ZNF761: variants seen among roughly 807,000 people sequenced by gnomAD.
ZNF761 encodes the protein zinc finger protein 761.
Under a neutral mutation model 59.9 loss-of-function variants are expected in ZNF761, and 43 were observed. The ratio of observed to expected loss-of-function variants is 0.72; its 90% CI spans 0.56 to 0.92. ZNF761 has a LOEUF of 0.92. ZNF761 is among the 40% of genes least tolerant of loss of function. The pLI is 0.00. For missense variants in ZNF761, 850 were observed against 906.1 expected (o/e 0.94, Z 0.79); for synonymous variants, 294 against 304.8 (o/e 0.96, Z 0.37).
At chr19:53,440,847 G>A (rs530433174) in intron 1 of ZNF761, among the ~76,000 whole-genome samples, 2 of 152,148 alleles carry the variant, frequency 1.3e-5, no homozygotes, top group South Asian at 4.2e-4. Flanking sequence ...GGCAAGTTTT[G>A]TACATTTTTG....
chr19:53,449,372 T>C, intron 3 of ZNF761, 140 bp from the exon 4 acceptor site: 1 of 1,596,298 alleles, frequency 6.3e-7, no homozygotes. Context: ...GAAGACAAAA[T>C]GCGGTGAAAA....
intron 1 of ZNF761, among the ~76,000 whole-genome samples, chr19:53,444,830 G>C (rs1385553166): frequency 6.6e-6 from 1 of 152,114 alleles, no homozygotes; most frequent in Admixed American, 6.5e-5. Context: ...ACAGAGCTGG[G>C]TGTTCCAAAG....
At position 53,457,486 on chromosome 19, in the gene ZNF761, T is replaced by TAAAA; in HGVS notation, c.*739_*740insAAAA. 2 of 394,476 alleles carry TAAAA rather than the reference T, an allele frequency of 5.1e-6. No individual in the cohort carries two copies. Among genetic ancestry groups the TAAAA allele is most frequent in the Non-Finnish European group, 1.0e-5 (2 of 198,328 alleles). 24.4% of individuals were successfully genotyped at this position (394,476 alleles called of 1,614,324 possible). A position where few individuals can be genotyped will look rare whatever the true frequency, so the allele number is the denominator to read the frequency against. The stretch of plus-strand genomic sequence containing the variant: ...GAGAATGCATACTGGACAGAAATCT[T>TAAAA]ACAAATGTCATCAATGTGCCAAGGT... On this transcript the variant is annotated 3_prime_UTR_variant, in exon 5 of 5. Coordinates refer to ENST00000684525, the MANE Select transcript of ZNF761 (RefSeq NM_001289951.2).
chr19:53,449,214 C>T (rs1190117452), intron 3 of ZNF761, among the ~76,000 whole-genome samples: 1 of 152,072 alleles, frequency 6.6e-6, no homozygotes, highest in East Asian at 1.9e-4. Flanking sequence ...CCTGTAATTT[C>T]AGCTACTCAG....
Position 53,458,175 on chromosome 19 carries a change from G to A in ZNF761, c.*1427G>A, listed in dbSNP as rs1383257646. 6.3e-6 allele frequency: 1 copy of A among 158,014 alleles called. No homozygotes were observed. The highest frequency in any genetic ancestry group is 1.4e-5 in the Non-Finnish European group (1 of 71,966). The allele number at this position is 158,014 out of a possible 1,614,324, so 9.8% of individuals were successfully genotyped here. ...CCACTGACTATGTTACTTAGTTCCA[G>A]TAGTATTTTGGTTGGCTCTTTGTGA... On this transcript the variant is annotated 3_prime_UTR_variant, in exon 5 of 5. Coordinates refer to ENST00000684525, the MANE Select transcript of ZNF761 (RefSeq NM_001289951.2).
At chr19:53,445,920 T>A (rs530536629) in intron 1 of ZNF761, among the ~76,000 whole-genome samples, 9 of 152,252 alleles carry the variant, frequency 5.9e-5, no homozygotes, top group Admixed American at 4.6e-4. Context: ...CCTGCCAGTG[T>A]CCAGCCTCCT....
At position 53,455,693 on chromosome 19, in the gene ZNF761, T is replaced by A; in HGVS notation, c.1186T>A (p.Ser396Thr). 1.2e-6 allele frequency: 2 copies of A among 1,612,664 alleles called. No individual in the cohort carries two copies. The highest frequency in any genetic ancestry group is 1.1e-5 in the South Asian group (1 of 91,000). ...TGGCAAGACCTTTAGTCACAAGTCA[T>A]CCCTTACATGCCATCGTAGACTTCA... ...ECGKTFSHKSSLTCHRRLHTG... is the reference protein window; with the variant it reads ...ECGKTFSHKSTLTCHRRLHTG... Residue 396 changes from serine to threonine, a missense_variant, in exon 5 of 5, where the codon TCC becomes ACC. Transcript: ENST00000684525.
chr19:53,438,409 C>T (rs965560411), intron 1 of ZNF761, among the ~76,000 whole-genome samples: 10 of 152,198 alleles, frequency 6.6e-5, no homozygotes, highest in African/African-American at 1.4e-4. Flanking sequence ...CTGGGTGACG[C>T]CATGATCCTA....
intron 1 of ZNF761, chr19:53,441,723 C>T (rs371573426): frequency 9.4e-6 from 6 of 640,638 alleles, no homozygotes; most frequent in South Asian, 6.8e-5. Flanking sequence ...GCTGGGATTA[C>T]AGGCATGAAT....
At chr19:53,432,088 C>G (rs2085976251) in intron 1 of ZNF761, 60 bp downstream of exon 1, 1 of 152,338 alleles carries the variant, frequency 6.6e-6, no homozygotes, top group Non-Finnish European at 1.5e-5. Context: ...GCTTCTGTAC[C>G]TGGGACTTGG....
chr19:53,457,073 C>A lies in ZNF761; in HGVS notation c.*325C>A. ...GAATTCACACTGGAGAGAAACCTTA[C>A]CAGTGTAATGAGTGTGGCAAAGCCT... On this transcript the variant is annotated 3_prime_UTR_variant, in exon 5 of 5. Coordinates refer to ENST00000684525, the MANE Select transcript of ZNF761 (RefSeq NM_001289951.2). 1.6e-6 allele frequency: 1 copy of A among 624,514 alleles called. No individual in the cohort carries two copies. Among genetic ancestry groups the A allele is most frequent in the Non-Finnish European group, 2.8e-6 (1 of 355,872 alleles). The allele number at this position is 624,514 out of a possible 1,614,324, so 38.7% of individuals were successfully genotyped here.
rs1216646255 is a variant in ZNF761, at chr19:53,445,045, A to C, written c.-184-1182A>C. 2.2e-5 allele frequency: 3 copies of C among 134,418 alleles called. No individual in the cohort carries two copies. The East Asian group carries it at 6.5e-4, about 29-fold the overall frequency. 8.3% of individuals were successfully genotyped at this position (134,418 alleles called of 1,614,324 possible). ...GCTCAGGCTGGAGTGCAATGGTGTG[A>C]TCTCGGCTCACTGCAACCTCCGCCT... is the stretch of plus-strand genomic sequence containing the variant. On this transcript the variant is annotated intron_variant, in intron 1 of 4. Transcript: ENST00000684525.
intron 1 of ZNF761, among the ~76,000 whole-genome samples, chr19:53,439,534 A>C (rs2086077254): frequency 6.6e-6 from 1 of 152,082 alleles, no homozygotes; most frequent in African/African-American, 2.4e-5. Flanking sequence ...TGAAATGCAA[A>C]GATAGGCTGA....
At chr19:53,442,016 G>A (rs562553023) in intron 1 of ZNF761, 56 of 1,062,012 alleles carry the variant, frequency 5.3e-5, no homozygotes, top group African/African-American at 1.1e-4. Flanking sequence ...AGTGGCCTCC[G>A]TGAACGGTAG....
chr19:53,436,522 G>A (rs1228960209), intron 1 of ZNF761, among the ~76,000 whole-genome samples: 2 of 152,196 alleles, frequency 1.3e-5, no homozygotes, highest in Admixed American at 6.5e-5. Flanking sequence ...AGGACCATAC[G>A]AAAGAGCTGA....
chr19:53,456,817 AACCTT>A lies in ZNF761; in HGVS notation c.*71_*75del. Reference sequence around the variant, plus strand: ...CATCATAGAATTCATACTGGGGAGAAACCTTAGAAATGTGAAGCATGTGATAAAGT... The same window carrying A: ...CATCATAGAATTCATACTGGGGAGAAAGAAATGTGAAGCATGTGATAAAGT... On this transcript the variant is annotated 3_prime_UTR_variant, in exon 5 of 5. Coordinates refer to ENST00000684525, the MANE Select transcript of ZNF761 (RefSeq NM_001289951.2). The A allele has an allele frequency of 1.3e-6, 2 of 1,526,788 alleles. No homozygotes were observed. Among genetic ancestry groups the A allele is most frequent in the Admixed American group, 3.5e-5 (2 of 56,968 alleles). The allele number at this position is 1,526,788 out of a possible 1,614,324, so 94.6% of individuals were successfully genotyped here. A position where few individuals can be genotyped will look rare whatever the true frequency, so the allele number is the denominator to read the frequency against.
At chr19:53,450,109 C>A (rs1340008748) in intron 4 of ZNF761, 6 of 311,718 alleles carry the variant, frequency 1.9e-5, no homozygotes, top group African/African-American at 1.1e-4. Flanking sequence ...TCGAGACCAG[C>A]CCGGCCAACA....
chr19:53,440,156 C>G (rs541430911), intron 1 of ZNF761, among the ~76,000 whole-genome samples: 1 of 70,502 alleles, frequency 1.4e-5, no homozygotes, highest in Admixed American at 1.3e-4. Flanking sequence ...CCCGTCTTGG[C>G]CAAAAATAAA....
chr19:53,442,717 C>T, intron 1 of ZNF761: 1 of 318,890 alleles, frequency 3.1e-6, no homozygotes, highest in Non-Finnish European at 6.5e-6. Flanking sequence ...AACGGGAAGG[C>T]TGCTTTCTCC....
Sources: allele counts gnomAD v4.1 joint callset (sites outside exome capture counted in the v4.1 genomes callset), GRCh38; gene constraint gnomAD v4.1.1; transcripts MANE v1.5; gene names NCBI Gene and HGNC (gene_info 2026-07-23, HGNC 2026-07-21).